EHBP1: variants seen among roughly 807,000 people sequenced by gnomAD.
EHBP1 encodes the protein EH domain-binding protein 1.
A neutral mutation model predicts 144.0 loss-of-function variants in EHBP1; 55 were observed. The ratio of observed to expected loss-of-function variants is 0.38; its 90% CI spans 0.31 to 0.48. The LOEUF is 0.48. Among genes scored for constraint, EHBP1 ranks in the 20% least tolerant of loss-of-function variants. The pLI, the probability that EHBP1 is intolerant of heterozygous loss-of-function variation, is 0.98. For synonymous variants in EHBP1, 469 were observed against 472.7 expected, an observed-to-expected ratio of 0.99 and a Z score of 0.10; for missense variants, 1,200 against 1,364.2, an observed-to-expected ratio of 0.88 and a Z score of 1.90.
intron 10 of EHBP1, among the ~76,000 whole-genome samples, chr2:62,882,565 A>T (rs186470888): frequency 3.3e-5 from 5 of 152,314 alleles, no homozygotes; most frequent in Admixed American, 3.3e-4. Context: ...GGAGCTAATT[A>T]AGAATTCCTA....
intron 13 of EHBP1, among the ~76,000 whole-genome samples, chr2:62,954,178 A>G (rs2057560512): frequency 6.6e-6 from 1 of 152,078 alleles, no homozygotes; most frequent in Non-Finnish European, 1.5e-5. Flanking sequence ...GGTCTGTCTG[A>G]CTCCACATCA....
At position 62,948,651 on chromosome 2, in the gene EHBP1, C is replaced by T. The variant is rs2057205717; in HGVS notation, c.1805C>T (p.Pro602Leu). Residue 602 changes from proline (P) to leucine (L), a missense_variant, in exon 13 of 23, where the codon CCA (proline) becomes CTA (leucine). By Grantham distance (98) the Pro-to-Leu change is moderately conservative (BLOSUM62 -3). Around this residue, in one of 6 missense-constraint regions of EHBP1, gnomAD observed 543 missense variants for 513.1 expected, o/e 1.06. Coordinates refer to ENST00000431489, the MANE Select transcript of EHBP1 (RefSeq NM_001142616.3). ...CAAACTCCTGATGATCACCTTAGTCCAAGCACAGCCTCCCCTTACTGTCGC... is the reference window on the plus strand; with the variant it reads ...CAAACTCCTGATGATCACCTTAGTCTAAGCACAGCCTCCCCTTACTGTCGC... ...EHQTPDDHLS[P>L]STASPYCRRT... The T allele has an allele frequency of 1.2e-6, 2 of 1,613,958 alleles. No individual in the cohort carries two copies. Among genetic ancestry groups the T allele is most frequent in the African/African-American group, 1.3e-5 (1 of 75,016 alleles).
At chr2:62,914,090 C>T (rs937047845) in intron 10 of EHBP1, among the ~76,000 whole-genome samples, 1 of 152,006 alleles carries the variant, frequency 6.6e-6, no homozygotes. Flanking sequence ...ACTGTTTAGA[C>T]AGAATAGTGT....
chr2:62,752,536 T>C lies in EHBP1; in HGVS notation c.162+5084T>C, dbSNP rs533647078. Among the ~76,000 whole-genome samples, 4 of 152,298 alleles carry C rather than the reference T, an allele frequency of 2.6e-5. No individual in the cohort carries two copies. In the East Asian group the frequency reaches 7.7e-4, roughly 29 times the overall value. On this transcript the variant is annotated intron_variant, in intron 3 of 22. Transcript: ENST00000431489. ...TGAGTTCAGTTCCTGGATATCCTTG[T>C]TAACTTTCTGTCTCGTTGATCTGTC...
At position 62,826,269 on chromosome 2, in the gene EHBP1, G is replaced by A. The variant is rs767763438; in HGVS notation, c.494+1G>A. 3 of 1,594,016 alleles carry A rather than the reference G, an allele frequency of 1.9e-6. No individual in the cohort carries two copies. The highest frequency in any genetic ancestry group is 2.3e-5 in the East Asian group (1 of 44,438). The stretch of plus-strand genomic sequence containing the variant: ...TTTTTCTGAGGGAAGGAAAAGCCAC[G>A]TAAGTTTCTTTTGTCAAATAAGCTT... On this transcript the variant is annotated splice_donor_variant, in intron 6 of 22. Transcript: ENST00000431489. LOFTEE classifies it high-confidence loss of function.
chr2:62,747,255 T>C (rs1005296352), intron 2 of EHBP1, 140 bp from the exon 3 acceptor site: 4 of 616,842 alleles, frequency 6.5e-6, no homozygotes, highest in Non-Finnish European at 1.1e-5. Flanking sequence ...TAACATCTAC[T>C]ATATTTGATA....
intron 19 of EHBP1, 152 bp downstream of exon 19, chr2:62,996,918 G>A: frequency 2.6e-6 from 3 of 1,134,750 alleles, no homozygotes; most frequent in South Asian, 1.5e-5. Context: ...ACCTCTCTGG[G>A]CCCTGGTGAT....
At chr2:63,011,117 T>C (rs1218222506) in intron 19 of EHBP1, among the ~76,000 whole-genome samples, 1 of 150,278 alleles carries the variant, frequency 6.7e-6, no homozygotes, top group East Asian at 1.9e-4. Context: ...GCATCAGTTG[T>C]TTTCTGCCGG....
chr2:62,900,513 C>T (rs2152942927), intron 10 of EHBP1, among the ~76,000 whole-genome samples: 1 of 151,690 alleles, frequency 6.6e-6, no homozygotes, highest in South Asian at 2.1e-4. Context: ...CCCAGGTACT[C>T]AGGAGGCTCA....
At chr2:62,799,153 A>G (rs1252571190) in intron 5 of EHBP1, among the ~76,000 whole-genome samples, 1 of 152,166 alleles carries the variant, frequency 6.6e-6, no homozygotes, top group Non-Finnish European at 1.5e-5. Flanking sequence ...AGTTTATACA[A>G]CTTTTATAGG....
intron 4 of EHBP1, among the ~76,000 whole-genome samples, chr2:62,766,533 A>G (rs1051128087): frequency 2.6e-5 from 4 of 152,142 alleles, no homozygotes; most frequent in Non-Finnish European, 5.9e-5. Flanking sequence ...TTATCGAGAT[A>G]ATCTCTCATT....
intron 16 of EHBP1, among the ~76,000 whole-genome samples, chr2:62,993,198 G>A (rs2059481556): frequency 6.6e-6 from 1 of 152,134 alleles, no homozygotes; most frequent in Non-Finnish European, 1.5e-5. Context: ...TTAGAAACTA[G>A]TTCTTGTTGT....
At chr2:62,957,969 A>G (rs989617175) in intron 14 of EHBP1, among the ~76,000 whole-genome samples, 2 of 152,168 alleles carry the variant, frequency 1.3e-5, no homozygotes, top group African/African-American at 2.4e-5. Flanking sequence ...CATAAGAAAT[A>G]AGAAATATCT....
chr2:62,920,662 A>AT lies in EHBP1; in HGVS notation c.1186-22046dup, dbSNP rs58571868. On this transcript the variant is annotated intron_variant, in intron 10 of 22. Coordinates refer to ENST00000431489, the MANE Select transcript of EHBP1 (RefSeq NM_001142616.3). The stretch of plus-strand genomic sequence containing the variant: ...ATTCAGGCATATTCTGATTAATCAT[A>AT]TTTTTTTTTTCTTTTTTTGAGACAG... Among the ~76,000 whole-genome samples the AT allele has an allele frequency of 1.6e-4, 24 of 149,802 alleles. 1 individual carries two copies. Among genetic ancestry groups the AT allele is most frequent in the East Asian group, 1.4e-3 (7 of 5,116 alleles).
intron 15 of EHBP1, among the ~76,000 whole-genome samples, chr2:62,983,930 A>T (rs905334009): frequency 6.6e-6 from 1 of 152,172 alleles, no homozygotes; most frequent in Non-Finnish European, 1.5e-5. Flanking sequence ...GCCCATGAGA[A>T]TGTCTGCATG....
At chr2:62,688,243 C>T (rs2033784039) in intron 1 of EHBP1, among the ~76,000 whole-genome samples, 2 of 152,078 alleles carry the variant, frequency 1.3e-5, no homozygotes. Context: ...TAAATTTAAT[C>T]AGCAATGTTA....
At chr2:63,008,168 G>A (rs2060122349) in intron 19 of EHBP1, among the ~76,000 whole-genome samples, 1 of 151,742 alleles carries the variant, frequency 6.6e-6, no homozygotes, top group Non-Finnish European at 1.5e-5. Context: ...TAGTTAGCAT[G>A]AATTACAAGC....
intron 13 of EHBP1, among the ~76,000 whole-genome samples, chr2:62,950,980 C>T (rs534765212): frequency 8.5e-5 from 13 of 152,252 alleles, no homozygotes; most frequent in African/African-American, 1.7e-4. Context: ...CCACCGCGCC[C>T]GGCCCGAACC....
intron 10 of EHBP1, among the ~76,000 whole-genome samples, chr2:62,892,755 T>C (rs1045142962): frequency 1.3e-5 from 2 of 152,122 alleles, no homozygotes; most frequent in East Asian, 3.8e-4. Context: ...CCCTCAATAG[T>C]GTTTCCAATA....
Sources: gnomAD v4.1 joint callset for allele counts (sites outside exome capture counted in the v4.1 genomes callset) on GRCh38, gnomAD v4.1.1 for gene constraint, gnomAD v4.1.1 regional missense constraint, MANE v1.5 for transcripts, NCBI Gene and HGNC (gene_info 2026-07-23, HGNC 2026-07-21) for gene names.